Variants in POU2F1 observed in about 807,000 individuals in gnomAD.
POU2F1 encodes the protein POU class 2 homeobox 1, also known as POU domain, class 2, transcription factor 1.
In POU2F1, 16 loss-of-function variants were observed where a neutral mutation model predicts 84.9. That is an observed-to-expected ratio of 0.19 (90% CI 0.13 to 0.29). The LOEUF (loss-of-function observed/expected upper bound fraction) is 0.29. Among genes scored for constraint, POU2F1 ranks in the 10% least tolerant of loss-of-function variants. The pLI, the probability that POU2F1 is intolerant of heterozygous loss-of-function variation, is 1.00. For synonymous variants in POU2F1, 368 were observed against 368.3 expected, an observed-to-expected ratio of 1.00 and a Z score of 0.01; for missense variants, 738 against 942.6, an observed-to-expected ratio of 0.78 and a Z score of 2.84.
intron 8 of POU2F1, among the ~76,000 whole-genome samples, chr1:167,386,694 C>T (rs1648009263): frequency 6.6e-6 from 1 of 152,126 alleles, no homozygotes; most frequent in African/African-American, 2.4e-5. Context: ...TGCTACTTTG[C>T]AGTAAAAAGA....
At chr1:167,270,685 C>A (rs562905277) in intron 1 of POU2F1, among the ~76,000 whole-genome samples, 1 of 152,144 alleles carries the variant, frequency 6.6e-6, no homozygotes. Flanking sequence ...AGAAATCACT[C>A]CATAGTCAAA....
intron 2 of POU2F1, among the ~76,000 whole-genome samples, chr1:167,333,683 C>G (rs906446372): frequency 6.6e-6 from 1 of 152,200 alleles, no homozygotes; most frequent in Non-Finnish European, 1.5e-5. Flanking sequence ...GTATTTAACA[C>G]ACTTCATAGT....
Position 167,259,323 on chromosome 1 carries a change from C to T in POU2F1, c.61+38365C>T, listed in dbSNP as rs146748200. On this transcript the variant is annotated intron_variant, in intron 1 of 15. Coordinates refer to ENST00000367866, the MANE Select transcript of POU2F1 (RefSeq NM_002697.4). ...GGGATGCAGCTCTTGATGGGAGGAG[C>T]AGCAAAGGCACACTGCAAAATGGCA... Among the ~76,000 whole-genome samples the T allele has an allele frequency of 3.8e-3, 585 of 152,232 alleles. 2 individuals carry two copies. Among genetic ancestry groups the T allele is most frequent in the Middle Eastern group, 0.01 (3 of 294 alleles).
At chr1:167,317,971 G>A (rs374947858) in intron 1 of POU2F1, among the ~76,000 whole-genome samples, 14 of 152,170 alleles carry the variant, frequency 9.2e-5, no homozygotes, top group East Asian at 3.8e-4. Context: ...TTAAAAGCAC[G>A]ATCATCATTG....
intron 1 of POU2F1, chr1:167,303,520 ACT>A (rs1330427813): frequency 1.3e-5 from 2 of 154,314 alleles, no homozygotes; most frequent in East Asian, 3.9e-4. Context: ...TTACCAAACT[ACT>A]CTCAGTTTTC....
At chr1:167,412,950 A>G (rs1650062040) in intron 14 of POU2F1, 76 bp from the exon 15 acceptor site, 1 of 1,237,580 alleles carries the variant, frequency 8.1e-7, no homozygotes, top group Non-Finnish European at 1.2e-6. Context: ...TCGTTTTGTA[A>G]GTTCCTTTTG....
chr1:167,322,301 C>G (rs1656368410), intron 1 of POU2F1, among the ~76,000 whole-genome samples: 1 of 152,216 alleles, frequency 6.6e-6, no homozygotes, highest in African/African-American at 2.4e-5. Flanking sequence ...CCTGGCTCTG[C>G]TTTCCAGGGA....
chr1:167,414,058 G>A (rs1363460201), intron 15 of POU2F1, among the ~76,000 whole-genome samples: 1 of 151,172 alleles, frequency 6.6e-6, no homozygotes, highest in Non-Finnish European at 1.5e-5. Flanking sequence ...ATAACTATTA[G>A]CCAACCTAAA....
chr1:167,261,203 A>C (rs189330694), intron 1 of POU2F1, among the ~76,000 whole-genome samples: 26 of 152,224 alleles, frequency 1.7e-4, no homozygotes, highest in Non-Finnish European at 3.5e-4. Flanking sequence ...AGCAAGCGCT[A>C]TAAGGACTAG....
At position 167,415,452 on chromosome 1, in the gene POU2F1, A is replaced by C. The variant is rs766631313; in HGVS notation, c.1991-48A>C. On this transcript the variant is annotated intron_variant, in intron 15 of 15. Transcript: ENST00000367866. ...TGTGTTATTTGGCTTCTCCAGGATG[A>C]TGTTAATGTTTTCATTCCTGCCTGT... 2.5e-6 allele frequency: 4 copies of C among 1,569,148 alleles called. No individual in the cohort carries two copies. In the Admixed American group the frequency reaches 5.2e-5, roughly 20 times the overall value.
At chr1:167,412,363 A>T in intron 14 of POU2F1, 59 bp downstream of exon 14, 2 of 1,384,764 alleles carry the variant, frequency 1.4e-6, no homozygotes, top group African/African-American at 1.4e-5. Flanking sequence ...GGAATTACTC[A>T]CAGGGGAGAC....
chr1:167,426,341 T>TA lies in POU2F1; in HGVS notation c.*10532dup, dbSNP rs1273534300. The TA allele has an allele frequency of 6.6e-6, 1 of 152,204 alleles. No individual in the cohort carries two copies. The highest frequency in any genetic ancestry group is 1.5e-5 in the Non-Finnish European group (1 of 68,038). The allele number at this position is 152,204 out of a possible 1,614,324, so 9.4% of individuals were successfully genotyped here. On this transcript the variant is annotated 3_prime_UTR_variant, in exon 16 of 16. Transcript: ENST00000367866. ...TCCTATTCTTAGTAGTTTGAAATAA[T>TA]AGTATTTTTGTATGTTTTGGGTGTG... is the stretch of plus-strand genomic sequence containing the variant.
intron 1 of POU2F1, among the ~76,000 whole-genome samples, chr1:167,233,420 G>C (rs1649215555): frequency 6.6e-6 from 1 of 151,762 alleles, no homozygotes; most frequent in Non-Finnish European, 1.5e-5. Flanking sequence ...TTACAGATGT[G>C]AGCTCCTGTG....
chr1:167,299,514 A>G (rs924351286), intron 1 of POU2F1, among the ~76,000 whole-genome samples: 1 of 152,180 alleles, frequency 6.6e-6, no homozygotes, highest in East Asian at 1.9e-4. Flanking sequence ...TATGAATGGT[A>G]GTGGATTGAA....
chr1:167,236,481 A>G (rs1311783048), intron 1 of POU2F1, among the ~76,000 whole-genome samples: 1 of 152,168 alleles, frequency 6.6e-6, no homozygotes, highest in Non-Finnish European at 1.5e-5. Context: ...TTAGTTTTCA[A>G]ATGTACAACA....
chr1:167,346,296 C>T (rs538071857), intron 2 of POU2F1, among the ~76,000 whole-genome samples: 1 of 152,286 alleles, frequency 6.6e-6, no homozygotes, highest in East Asian at 1.9e-4. Context: ...ACTGATAATG[C>T]ATTCATCTCT....
At chr1:167,335,030 C>CTAACAGAAG (rs1657347548) in intron 2 of POU2F1, among the ~76,000 whole-genome samples, 2 of 152,060 alleles carry the variant, frequency 1.3e-5, no homozygotes, top group South Asian at 4.1e-4. Flanking sequence ...TGTGTTGATA[C>CTAACAGAAG]GTTAATTCTA....
At chr1:167,346,015 A>C (rs1658171266) in intron 2 of POU2F1, among the ~76,000 whole-genome samples, 1 of 142,012 alleles carries the variant, frequency 7.0e-6, no homozygotes. Flanking sequence ...AAAAAAAAAA[A>C]CTTAAAAAAA....
At chr1:167,299,103 T>C (rs567179683) in intron 1 of POU2F1, among the ~76,000 whole-genome samples, 1 of 142,652 alleles carries the variant, frequency 7.0e-6, no homozygotes, top group Non-Finnish European at 1.5e-5. Context: ...GCGGAGGTTA[T>C]GGTGAGCCGA....
Sources: gnomAD v4.1 joint callset for allele counts (sites outside exome capture counted in the v4.1 genomes callset) on GRCh38, gnomAD v4.1.1 for gene constraint, MANE v1.5 for transcripts, NCBI Gene and HGNC (gene_info 2026-07-23, HGNC 2026-07-21) for gene names.